Variants in RABGEF1 observed in about 807,000 individuals in gnomAD.
RABGEF1 encodes the protein RAB guanine nucleotide exchange factor 1, also known as rab5 GDP/GTP exchange factor.
A neutral mutation model predicts 57.3 loss-of-function variants in RABGEF1; 26 were observed. That is an observed-to-expected ratio of 0.45 (90% CI 0.33 to 0.63). The LOEUF (loss-of-function observed/expected upper bound fraction) is 0.63. Among genes scored for constraint, RABGEF1 ranks in the 20% least tolerant of loss-of-function variants. RABGEF1 has a pLI of 0.02. For synonymous variants in RABGEF1, 185 were observed against 210.7 expected (o/e 0.88, Z 1.06); for missense variants, 464 against 607.6 (o/e 0.76, Z 2.48).
intron 1 of RABGEF1, among the ~76,000 whole-genome samples, chr7:66,697,659 T>A (rs1475592304): frequency 6.6e-6 from 1 of 152,184 alleles, no homozygotes; most frequent in Non-Finnish European, 1.5e-5. Flanking sequence ...CACTGAGGAT[T>A]AGCAGGGCGG....
intron 5 of RABGEF1, among the ~76,000 whole-genome samples, chr7:66,795,914 G>A (rs1459472266): frequency 6.6e-6 from 1 of 152,194 alleles, no homozygotes; most frequent in Non-Finnish European, 1.5e-5. Context: ...TAAAGCAGGC[G>A]GATCACGTTA....
chr7:66,766,601 T>G (rs946654770), intron 1 of RABGEF1, among the ~76,000 whole-genome samples: 51 of 152,150 alleles, frequency 3.4e-4, no homozygotes, highest in African/African-American at 1.2e-3. Flanking sequence ...CTTGAGAGTT[T>G]TTTCTAATTA....
chr7:66,714,349 T>C (rs1795116593), intron 2 of RABGEF1, among the ~76,000 whole-genome samples: 1 of 152,256 alleles, frequency 6.6e-6, no homozygotes, highest in Non-Finnish European at 1.5e-5. Context: ...ATTTATGATA[T>C]AGACTTGTTC....
intron 7 of RABGEF1, among the ~76,000 whole-genome samples, chr7:66,803,157 T>C (rs1787673461): frequency 6.6e-6 from 1 of 152,040 alleles, no homozygotes; most frequent in South Asian, 2.1e-4. Flanking sequence ...CAGCAAAAAT[T>C]ATGTAATTCA....
the RABGEF1 span, among the ~76,000 whole-genome samples, chr7:66,660,274 T>G: frequency 1.3e-5 from 2 of 149,968 alleles, no homozygotes; most frequent in Non-Finnish European, 3.0e-5. Context: ...TGTAAACCCG[T>G]GAGGCTGAGC....
In RABGEF1 at chr7:66,809,035, A is replaced by G. The variant is rs777511369; in HGVS notation, c.1227A>G (p.Gln409=). 6 of 1,614,178 alleles carry G rather than the reference A, an allele frequency of 3.7e-6. No individual in the cohort carries two copies. In the Admixed American group the frequency reaches 1.0e-4, roughly 27 times the overall value. Residue 409 remains glutamine, a synonymous_variant, in exon 9 of 9, where the codon CAA becomes CAG. Coordinates refer to ENST00000284957, the MANE Select transcript of RABGEF1 (RefSeq NM_014504.3). The part of the protein sequence containing the change: ...WSPDACLGVK[Q]MYKNLDLLSQ... ...CTGATGCTTGCTTAGGCGTCAAGCA[A>G]ATGTATAAGAACTTGGATCTCTTGT... is the stretch of plus-strand genomic sequence containing the variant.
chr7:66,727,609 C>T (rs1391512666), intron 2 of RABGEF1, among the ~76,000 whole-genome samples: 1 of 152,224 alleles, frequency 6.6e-6, no homozygotes, highest in Non-Finnish European at 1.5e-5. Flanking sequence ...GAAATTGAGT[C>T]TGACACCTGG....
At chr7:66,760,861 T>G (rs1804154676) in intron 1 of RABGEF1, among the ~76,000 whole-genome samples, 1 of 152,018 alleles carries the variant, frequency 6.6e-6, no homozygotes, top group South Asian at 2.1e-4. Flanking sequence ...ACGCTTGACT[T>G]TGAGCCATCC....
intron 1 of RABGEF1, among the ~76,000 whole-genome samples, chr7:66,687,695 C>G (rs969637195): frequency 2.0e-5 from 3 of 152,024 alleles, no homozygotes; most frequent in Non-Finnish European, 4.4e-5. Flanking sequence ...AAAACATGAT[C>G]CATCTATATA....
chr7:66,755,677 A>G (rs887696306), intron 1 of RABGEF1, among the ~76,000 whole-genome samples: 1 of 152,168 alleles, frequency 6.6e-6, no homozygotes, highest in Non-Finnish European at 1.5e-5. Context: ...CGGTAGCCAG[A>G]TTATCTTGTA....
At chr7:66,706,948 A>AT (rs914559886) in intron 1 of RABGEF1, among the ~76,000 whole-genome samples, 11 of 146,684 alleles carry the variant, frequency 7.5e-5, no homozygotes, top group East Asian at 2.1e-4. Flanking sequence ...CGCCTGGCTA[A>AT]TTTTTTTTTG....
the RABGEF1 span, among the ~76,000 whole-genome samples, chr7:66,656,718 G>A: frequency 6.6e-6 from 1 of 151,764 alleles, no homozygotes; most frequent in Non-Finnish European, 1.5e-5. Context: ...TACTCAGGAG[G>A]CTGAGGCAGG....
rs186319421 is a variant in RABGEF1 at position 66,759,493 on chromosome 7, C to T, written c.-17-12390C>T. Among the ~76,000 whole-genome samples the T allele has an allele frequency of 3.1e-3, 472 of 152,236 alleles. 3 individuals carry two copies. Among genetic ancestry groups the T allele is most frequent in the Non-Finnish European group, 4.8e-3 (329 of 68,004 alleles). ...AGGTTGGTCACATAGTATATTAGTTCGTTCATTCTCACGTAGTTATAAAGA... is the reference window on the plus strand; with the variant it reads ...AGGTTGGTCACATAGTATATTAGTTTGTTCATTCTCACGTAGTTATAAAGA... On this transcript the variant is annotated intron_variant, in intron 1 of 8. Transcript: ENST00000284957.
intron 2 of RABGEF1, among the ~76,000 whole-genome samples, chr7:66,716,330 C>T (rs1441032278): frequency 4.6e-5 from 7 of 152,070 alleles, no homozygotes; most frequent in Middle Eastern, 3.2e-3. Flanking sequence ...CCAGGTGCAG[C>T]GGCTCATGCG....
the RABGEF1 span, among the ~76,000 whole-genome samples, chr7:66,658,312 C>A: frequency 6.6e-6 from 1 of 152,234 alleles, no homozygotes; most frequent in South Asian, 2.1e-4. Context: ...GTAGGCGGAT[C>A]ACCTGAGATC....
chr7:66,738,746 A>AAG (rs1798358429), upstream of RABGEF1, among the ~76,000 whole-genome samples: 1 of 151,694 alleles, frequency 6.6e-6, no homozygotes, highest in South Asian at 2.1e-4. Context: ...AAAAAAAAAA[A>AAG]AAAGAAACAC....
chr7:66,728,296 CT>C (rs974891474), intron 2 of RABGEF1, among the ~76,000 whole-genome samples: 7 of 152,194 alleles, frequency 4.6e-5, no homozygotes, highest in African/African-American at 1.4e-4. Flanking sequence ...GGTCCCCTTC[CT>C]GTCTATTGTC....
the RABGEF1 span, among the ~76,000 whole-genome samples, chr7:66,654,970 C>T: frequency 6.6e-5 from 10 of 152,260 alleles, no homozygotes; most frequent in African/African-American, 2.4e-4. Context: ...CCCCTCGTCC[C>T]GGCTCTCACT....
the RABGEF1 span, among the ~76,000 whole-genome samples, chr7:66,674,127 T>C: frequency 6.6e-6 from 1 of 152,034 alleles, no homozygotes; most frequent in Non-Finnish European, 1.5e-5. Context: ...GCGCTTACCC[T>C]ATGACTGAAC....
Sources: allele counts gnomAD v4.1 joint callset (sites outside exome capture counted in the v4.1 genomes callset), GRCh38; gene constraint gnomAD v4.1.1; transcripts MANE v1.5; gene names NCBI Gene and HGNC (gene_info 2026-07-23, HGNC 2026-07-21).